MAML3: variants seen among roughly 807,000 people sequenced by gnomAD.
MAML3 encodes the protein mastermind-like protein 3.
In MAML3, 27 loss-of-function variants were observed where a neutral mutation model predicts 101.9. The observed-to-expected ratio is 0.27, with a 90% confidence interval of 0.20 to 0.37. The LOEUF (loss-of-function observed/expected upper bound fraction) is 0.37. Ranked by LOEUF, MAML3 falls within the 10% of genes least tolerant of loss-of-function variation. The pLI, the probability that MAML3 is intolerant of heterozygous loss-of-function variation, is 1.00. For synonymous variants in MAML3, 501 were observed against 555.9 expected, an observed-to-expected ratio of 0.90 and a Z score of 1.39; for missense variants, 1,316 against 1,444.9, an observed-to-expected ratio of 0.91 and a Z score of 1.45.
At chr4:140,069,402 GA>G (rs1191085654) in intron 1 of MAML3, among the ~76,000 whole-genome samples, 4 of 109,068 alleles carry the variant, frequency 3.7e-5, no homozygotes, top group African/African-American at 7.4e-5. Flanking sequence ...GGAGGAGGAG[GA>G]GGAGGAGGAG....
chr4:139,773,512 G>T (rs1730035893), intron 2 of MAML3, among the ~76,000 whole-genome samples: 2 of 152,192 alleles, frequency 1.3e-5, no homozygotes, highest in South Asian at 4.1e-4. Flanking sequence ...AGTCAAAAGT[G>T]TGCGTGTCCA....
chr4:139,842,674 C>A (rs557741020), intron 2 of MAML3, among the ~76,000 whole-genome samples: 1 of 138,730 alleles, frequency 7.2e-6, no homozygotes, highest in African/African-American at 2.7e-5. Context: ...TGTGCCACCA[C>A]GCCCAGCTAA....
chr4:139,778,264 T>C (rs1184499156), intron 2 of MAML3, among the ~76,000 whole-genome samples: 2 of 152,218 alleles, frequency 1.3e-5, no homozygotes, highest in Admixed American at 1.3e-4. Context: ...TATACCACCA[T>C]GGACTAGATG....
intron 1 of MAML3, among the ~76,000 whole-genome samples, chr4:139,999,458 T>G (rs1281745003): frequency 6.6e-6 from 1 of 152,256 alleles, no homozygotes; most frequent in Non-Finnish European, 1.5e-5. Flanking sequence ...TCAGCAGTTT[T>G]TCTAGTATAA....
intron 1 of MAML3, among the ~76,000 whole-genome samples, chr4:139,920,652 A>T (rs932429660): frequency 2.0e-5 from 3 of 152,204 alleles, no homozygotes; most frequent in Admixed American, 2.0e-4. Flanking sequence ...TCATTAATGG[A>T]GGGCACACAG....
At chr4:139,809,587 A>C (rs1730758111) in intron 2 of MAML3, among the ~76,000 whole-genome samples, 1 of 152,208 alleles carries the variant, frequency 6.6e-6, no homozygotes, top group African/African-American at 2.4e-5. Flanking sequence ...TGGGGCGGGA[A>C]ACAAGGCAGG....
intron 2 of MAML3, among the ~76,000 whole-genome samples, chr4:139,803,737 A>G (rs1384689950): frequency 1.3e-5 from 2 of 152,200 alleles, no homozygotes; most frequent in Admixed American, 1.3e-4. Flanking sequence ...CTGGCTATGT[A>G]TGCATTACAC....
At chr4:139,741,118 G>A (rs941147030) in intron 2 of MAML3, among the ~76,000 whole-genome samples, 2 of 152,192 alleles carry the variant, frequency 1.3e-5, no homozygotes, top group Non-Finnish European at 2.9e-5. Flanking sequence ...GCCCAGCTGC[G>A]GTGGTGGGGT....
At chr4:140,031,981 C>T (rs1292831019) in intron 1 of MAML3, among the ~76,000 whole-genome samples, 1 of 152,220 alleles carries the variant, frequency 6.6e-6, no homozygotes, top group Non-Finnish European at 1.5e-5. Context: ...TCTCTGTCTG[C>T]CTTGGCTGAC....
chr4:140,144,347 G>A (rs1226983616), intron 1 of MAML3, among the ~76,000 whole-genome samples: 2 of 151,976 alleles, frequency 1.3e-5, no homozygotes, highest in Admixed American at 1.3e-4. Context: ...AGGAGTTTGA[G>A]ACCAGCCTGG....
At chr4:140,049,884 A>AT (rs33918608) in intron 1 of MAML3, among the ~76,000 whole-genome samples, 140 of 150,726 alleles carry the variant, frequency 9.3e-4, no homozygotes, top group Middle Eastern at 3.5e-3. Flanking sequence ...TAATCACAGG[A>AT]TTTTTTTTTT....
intron 1 of MAML3, among the ~76,000 whole-genome samples, chr4:140,092,240 A>G (rs943638452): frequency 7.2e-5 from 11 of 151,900 alleles, no homozygotes; most frequent in African/African-American, 2.7e-4. Flanking sequence ...ACTGAGCATC[A>G]ACAGGTGCCT....
At chr4:140,088,630 A>C (rs1322034157) in intron 1 of MAML3, among the ~76,000 whole-genome samples, 1 of 152,096 alleles carries the variant, frequency 6.6e-6, no homozygotes, top group African/African-American at 2.4e-5. Flanking sequence ...CAAAATTCTG[A>C]GGTGCTTTAT....
chr4:139,928,096 T>C (rs2110728510), intron 1 of MAML3, among the ~76,000 whole-genome samples: 1 of 152,330 alleles, frequency 6.6e-6, no homozygotes, highest in South Asian at 2.1e-4. Flanking sequence ...TATGTACATT[T>C]AAAAACATGA....
intron 1 of MAML3, among the ~76,000 whole-genome samples, chr4:140,104,401 A>T (rs59192469): frequency 1.9e-4 from 15 of 79,590 alleles, no homozygotes; most frequent in Admixed American, 4.5e-4. Context: ...TATATTATAT[A>T]ATATATAATA....
chr4:140,139,255 A>G (rs1728944706), intron 1 of MAML3, among the ~76,000 whole-genome samples: 1 of 152,152 alleles, frequency 6.6e-6, no homozygotes, highest in Non-Finnish European at 1.5e-5. Flanking sequence ...CCTGGGTGAC[A>G]GAGCAAGTCC....
At chr4:139,929,946 G>A (rs1352295355) in intron 1 of MAML3, among the ~76,000 whole-genome samples, 1 of 152,130 alleles carries the variant, frequency 6.6e-6, no homozygotes, top group Non-Finnish European at 1.5e-5. Flanking sequence ...GCCCAGCCTT[G>A]CCCCAGAGGG....
At chr4:139,773,799 T>C (rs1730040845) in intron 2 of MAML3, among the ~76,000 whole-genome samples, 1 of 152,206 alleles carries the variant, frequency 6.6e-6, no homozygotes, top group Non-Finnish European at 1.5e-5. Flanking sequence ...TCAATTCATG[T>C]TGTGTGGACT....
intron 2 of MAML3, among the ~76,000 whole-genome samples, chr4:139,800,341 T>C (rs2111101594): frequency 6.6e-6 from 1 of 152,336 alleles, no homozygotes; most frequent in South Asian, 2.1e-4. Context: ...AGAAGTCTAC[T>C]TGTGTGGTCT....
Sources: allele counts gnomAD v4.1 joint callset (sites outside exome capture counted in the v4.1 genomes callset), GRCh38; gene constraint gnomAD v4.1.1; transcripts MANE v1.5; gene names NCBI Gene and HGNC (gene_info 2026-07-23, HGNC 2026-07-21).